PRKAR1A: variants seen among roughly 807,000 people sequenced by gnomAD.
The protein encoded by PRKAR1A is protein kinase cAMP-dependent type I regulatory subunit alpha.
Under a neutral mutation model 52.0 loss-of-function variants are expected in PRKAR1A, and 3 were observed. The observed-to-expected ratio is 0.06, with a 90% CI of 0.03 to 0.15. PRKAR1A has a LOEUF of 0.15. PRKAR1A is among the 10% of genes least tolerant of loss of function. The pLI, the probability that PRKAR1A is intolerant of heterozygous loss-of-function variation, is 1.00. For synonymous variants in PRKAR1A, 188 were observed against 168.4 expected (o/e 1.12, Z -0.90); for missense variants, 240 against 477.4 (o/e 0.50, Z 4.63).
intron 11 of PRKAR1A, chr17:68,539,368 A>C: frequency 6.2e-7 from 1 of 1,614,196 alleles, no homozygotes; most frequent in Non-Finnish European, 8.5e-7. Context: ...GAGAGGATGG[A>C]GATTTCATCA....
At chr17:68,452,839 C>T in the PRKAR1A span, 577 of 1,412,236 alleles carry the variant, frequency 4.1e-4, 6 homozygotes, top group South Asian at 6.1e-3. Flanking sequence ...TTGGTAGCAC[C>T]GCAGATTAAA....
the PRKAR1A span, among the ~76,000 whole-genome samples, chr17:68,441,740 G>A: frequency 2.0e-5 from 3 of 152,178 alleles, no homozygotes; most frequent in African/African-American, 7.2e-5. Flanking sequence ...AACGCTCTCC[G>A]TGGCAACTCT....
the PRKAR1A span, among the ~76,000 whole-genome samples, chr17:68,488,107 C>G: frequency 6.6e-6 from 1 of 151,976 alleles, no homozygotes; most frequent in Non-Finnish European, 1.5e-5. Flanking sequence ...GGCCAGGTGG[C>G]TTTTGAGCAC....
the PRKAR1A span, among the ~76,000 whole-genome samples, chr17:68,484,954 T>C: frequency 1.3e-5 from 2 of 152,252 alleles, no homozygotes; most frequent in African/African-American, 4.8e-5. Context: ...ATGTGTTTTC[T>C]GCCACAATGG....
At chr17:68,434,622 G>C in the PRKAR1A span, 1 of 1,613,978 alleles carries the variant, frequency 6.2e-7, no homozygotes, top group Non-Finnish European at 8.5e-7. Flanking sequence ...CCGGATGACT[G>C]TGCCCTGGAA....
the PRKAR1A span, chr17:68,428,628 CT>C: frequency 3.7e-6 from 2 of 536,418 alleles, no homozygotes; most frequent in Non-Finnish European, 6.7e-6. Flanking sequence ...AATCCTGGCA[CT>C]TTTCCAGATG....
chr17:68,452,508 T>C, the PRKAR1A span, among the ~76,000 whole-genome samples: 20 of 152,182 alleles, frequency 1.3e-4, no homozygotes, highest in Admixed American at 1.1e-3. Context: ...GAGGTTGCAG[T>C]GAGCCAAGAT....
At position 68,531,774 on chromosome 17, in the gene PRKAR1A, C is replaced by T. The variant is rs923590065; in HGVS notation, c.*1325C>T. ...TAACTGTATTTCAGTATTTTCCAGC[C>T]TTATGTGTTACATTATTCCAATGAT... On this transcript the variant is annotated 3_prime_UTR_variant, in exon 11 of 11. Coordinates refer to ENST00000589228, the MANE Select transcript of PRKAR1A (RefSeq NM_002734.5). The T allele has an allele frequency of 1.9e-6, 2 of 1,041,304 alleles. No individual in the cohort carries two copies. Among genetic ancestry groups the T allele is most frequent in the African/African-American group, 1.7e-5 (1 of 60,554 alleles). 64.5% of individuals were successfully genotyped at this position (1,041,304 alleles called of 1,614,324 possible). A position where few individuals can be genotyped will look rare whatever the true frequency, so the allele number is the denominator to read the frequency against.
the PRKAR1A span, chr17:68,426,267 G>T: frequency 1.1e-6 from 1 of 922,696 alleles, no homozygotes; most frequent in Non-Finnish European, 1.7e-6. Context: ...CAAATAAAGG[G>T]CAAAGGAAGC....
rs1481156767 is a variant in PRKAR1A at position 68,532,834 on chromosome 17, T to A, written c.*2385T>A. 9.4e-7 allele frequency: 1 copy of A among 1,066,360 alleles called. No individual in the cohort carries two copies. Among genetic ancestry groups the A allele is most frequent in the Non-Finnish European group, 1.1e-6 (1 of 879,780 alleles). The allele number at this position is 1,066,360 out of a possible 1,614,324, so 66.1% of individuals were successfully genotyped here. A position where few individuals can be genotyped will look rare whatever the true frequency, so the allele number is the denominator to read the frequency against. ...CTCTCTCTGTCCTTCCCCGAAAGTCTACTCGGGTGGGCAAAAATGAAAAGG... is the reference window on the plus strand; with the variant it reads ...CTCTCTCTGTCCTTCCCCGAAAGTCAACTCGGGTGGGCAAAAATGAAAAGG... On this transcript the variant is annotated 3_prime_UTR_variant, in exon 11 of 11. Coordinates refer to ENST00000589228, the MANE Select transcript of PRKAR1A (RefSeq NM_002734.5).
chr17:68,450,884 G>A, the PRKAR1A span: 33 of 1,612,078 alleles, frequency 2.0e-5, no homozygotes, highest in Admixed American at 3.4e-5. Flanking sequence ...CGATGTAGAC[G>A]TCCGGGATTT....
At chr17:68,450,926 A>T in the PRKAR1A span, 5 of 1,599,970 alleles carry the variant, frequency 3.1e-6, no homozygotes, top group African/African-American at 6.7e-5. Context: ...GGGAGGTTAC[A>T]TGGATTGATC....
chr17:68,519,747 T>G (rs1182445643), intron 2 of PRKAR1A, among the ~76,000 whole-genome samples: 3 of 152,258 alleles, frequency 2.0e-5, no homozygotes, highest in South Asian at 2.1e-4. Context: ...AATTTGAGTC[T>G]TCTTTTACTC....
chr17:68,442,187 A>G, the PRKAR1A span, among the ~76,000 whole-genome samples: 1 of 152,150 alleles, frequency 6.6e-6, no homozygotes, highest in African/African-American at 2.4e-5. Flanking sequence ...ATGGTGGCTA[A>G]GTATGCTGAC....
chr17:68,505,026 G>T, the PRKAR1A span, among the ~76,000 whole-genome samples: 1 of 152,198 alleles, frequency 6.6e-6, no homozygotes, highest in African/African-American at 2.4e-5. Context: ...GGACAGGCGT[G>T]GTGGCTCACA....
the PRKAR1A span, chr17:68,420,073 G>C: frequency 8.3e-7 from 1 of 1,210,048 alleles, no homozygotes; most frequent in Non-Finnish European, 1.2e-6. Flanking sequence ...GCCATCATTG[G>C]AACATTTGGT....
Position 68,515,536 on chromosome 17 carries a change from C to A in PRKAR1A, c.137C>A (p.Pro46His), listed in dbSNP as rs2085406263. 6 of 1,612,770 alleles carry A rather than the reference C, an allele frequency of 3.7e-6. No homozygotes were observed. Among genetic ancestry groups the A allele is most frequent in the Non-Finnish European group, 5.1e-6 (6 of 1,179,980 alleles). ...TTGTGCACTGCTCGACCTGAGAGAC[C>A]CATGGCATTCCTCAGGGAATACTTT... is the stretch of plus-strand genomic sequence containing the variant. ...VQLCTARPER[P>H]MAFLREYFER... The change falls in exon 2 of 11, where the codon CCC becomes CAC. Residue 46 changes from proline to histidine, a missense_variant. Coordinates refer to ENST00000589228, the MANE Select transcript of PRKAR1A (RefSeq NM_002734.5).
At chr17:68,428,667 C>T in the PRKAR1A span, 1 of 592,790 alleles carries the variant, frequency 1.7e-6, no homozygotes, top group Non-Finnish European at 3.0e-6. Flanking sequence ...GCACCTGACA[C>T]AGAGCCCGGT....
chr17:68,421,743 G>A, the PRKAR1A span: 1 of 1,614,082 alleles, frequency 6.2e-7, no homozygotes, highest in Non-Finnish European at 8.5e-7. Flanking sequence ...TGATAGGGGG[G>A]ATGTCCTGAT....
Sources: allele counts gnomAD v4.1 joint callset (sites outside exome capture counted in the v4.1 genomes callset), GRCh38; gene constraint gnomAD v4.1.1; transcripts MANE v1.5; gene names NCBI Gene and HGNC (gene_info 2026-07-23, HGNC 2026-07-21).